The following COLEC10 variants were observed in gnomAD, a reference collection of about 807,000 sequenced individuals.
The protein encoded by COLEC10 is collectin-10.
A neutral mutation model predicts 28.4 loss-of-function variants in COLEC10; 22 were observed. The observed-to-expected ratio is 0.78, with a 90% confidence interval of 0.55 to 1.11. The LOEUF (loss-of-function observed/expected upper bound fraction) is 1.11, where lower values mean the gene tolerates loss of function less well. Among genes scored for constraint, COLEC10 ranks in the 50% least tolerant of loss-of-function variants. COLEC10 has a pLI of 0.00. For synonymous variants in COLEC10, 125 were observed against 116.1 expected (o/e 1.08, Z -0.49); for missense variants, 361 against 344.1 (o/e 1.05, Z -0.39).
At chr8:118,954,388 A>T in the COLEC10 span, among the ~76,000 whole-genome samples, 2 of 152,180 alleles carry the variant, frequency 1.3e-5, no homozygotes, top group Non-Finnish European at 2.9e-5. Context: ...CCCCTAGGGT[A>T]TTTCTAAGTA....
At chr8:118,989,293 T>G in the COLEC10 span, among the ~76,000 whole-genome samples, 1 of 151,982 alleles carries the variant, frequency 6.6e-6, no homozygotes, top group Non-Finnish European at 1.5e-5. Context: ...AATAGAAATT[T>G]TCTAAACTGA....
the COLEC10 span, among the ~76,000 whole-genome samples, chr8:118,970,630 T>C: frequency 1.3e-5 from 2 of 151,958 alleles, no homozygotes; most frequent in Non-Finnish European, 2.9e-5. Context: ...TTCTCTTTTT[T>C]TTTTTCAAAT....
chr8:119,003,195 C>G (rs1813732549), intron 1 of COLEC10, among the ~76,000 whole-genome samples: 1 of 152,074 alleles, frequency 6.6e-6, no homozygotes, highest in Non-Finnish European at 1.5e-5. Context: ...TGTTTTTCAA[C>G]TACTTTTCAT....
the COLEC10 span, among the ~76,000 whole-genome samples, chr8:118,986,033 G>C: frequency 1.3e-5 from 2 of 152,212 alleles, no homozygotes. Flanking sequence ...GAAAGGCTCC[G>C]TGACAGACTC....
intron 2 of COLEC10, among the ~76,000 whole-genome samples, chr8:119,024,680 C>T (rs529430527): frequency 5.9e-5 from 9 of 152,234 alleles, no homozygotes; most frequent in Admixed American, 1.3e-4. Context: ...GATGACATGA[C>T]ATGTCTACTC....
intron 1 of COLEC10, among the ~76,000 whole-genome samples, chr8:119,085,297 C>A (rs1815450506): frequency 6.6e-6 from 1 of 152,066 alleles, no homozygotes. Context: ...TAGCAGGTCC[C>A]AATGAGGCCT....
At chr8:119,009,282 A>G (rs536050651) in intron 1 of COLEC10, among the ~76,000 whole-genome samples, 1 of 151,028 alleles carries the variant, frequency 6.6e-6, no homozygotes, top group African/African-American at 2.5e-5. Flanking sequence ...TTGATCCTCA[A>G]TGTGGCAGCT....
chr8:119,070,157 T>C (rs1233075674), intron 1 of COLEC10, among the ~76,000 whole-genome samples: 1 of 152,180 alleles, frequency 6.6e-6, no homozygotes, highest in Admixed American at 6.5e-5. Context: ...CAGCATGTTG[T>C]TACATCTGTT....
At chr8:119,092,821 G>T (rs992746662) in intron 3 of COLEC10, among the ~76,000 whole-genome samples, 1 of 151,986 alleles carries the variant, frequency 6.6e-6, no homozygotes. Flanking sequence ...TACAAGAATC[G>T]CTTGAACCTG....
the COLEC10 span, among the ~76,000 whole-genome samples, chr8:118,973,463 T>C: frequency 6.6e-6 from 1 of 151,946 alleles, no homozygotes; most frequent in Non-Finnish European, 1.5e-5. Context: ...CAGTTCCTTT[T>C]TGGCTGTTGG....
chr8:119,074,007 C>T (rs566835602), intron 1 of COLEC10, among the ~76,000 whole-genome samples: 14 of 150,532 alleles, frequency 9.3e-5, no homozygotes, highest in South Asian at 8.4e-4. Flanking sequence ...CATATATATA[C>T]GTGTATATAT....
At chr8:119,076,803 T>G (rs1303478225) in intron 1 of COLEC10, among the ~76,000 whole-genome samples, 3 of 152,166 alleles carry the variant, frequency 2.0e-5, no homozygotes, top group Admixed American at 2.0e-4. Context: ...CTTTCTCTCA[T>G]CAGACCACAT....
intron 1 of COLEC10, among the ~76,000 whole-genome samples, chr8:119,070,879 AT>A (rs1322409007): frequency 6.6e-6 from 1 of 152,126 alleles, no homozygotes; most frequent in Non-Finnish European, 1.5e-5. Flanking sequence ...GTCTTGTTTA[AT>A]TTCCACAATT....
chr8:118,968,138 ATACAAG>A, the COLEC10 span, among the ~76,000 whole-genome samples: 1 of 151,998 alleles, frequency 6.6e-6, no homozygotes, highest in Admixed American at 6.6e-5. Context: ...TTTTTTTTAA[ATACAAG>A]TAAGAGTAGG....
At chr8:118,970,088 T>C in the COLEC10 span, among the ~76,000 whole-genome samples, 480 of 152,172 alleles carry the variant, frequency 3.2e-3, 7 homozygotes, top group African/African-American at 0.011. Context: ...TTGTTATAAA[T>C]AGGAATTTCT....
At chr8:119,089,623 A>C (rs1815548247) in intron 1 of COLEC10, 57 bp from the exon 2 acceptor site, 1 of 1,362,902 alleles carries the variant, frequency 7.3e-7, no homozygotes, top group African/African-American at 1.4e-5. Flanking sequence ...CCCTGGGAGA[A>C]TGTGCTCATG....
chr8:119,038,325 C>T (rs1392898119), intron 2 of COLEC10, among the ~76,000 whole-genome samples: 1 of 152,162 alleles, frequency 6.6e-6, no homozygotes, highest in Non-Finnish European at 1.5e-5. Flanking sequence ...TATTTACTTT[C>T]CTTGCTTTAG....
chr8:118,974,795 C>A, the COLEC10 span, among the ~76,000 whole-genome samples: 1 of 152,014 alleles, frequency 6.6e-6, no homozygotes, highest in Non-Finnish European at 1.5e-5. Flanking sequence ...AGTTATCCAA[C>A]CTTATCCATT....
At chr8:118,962,450 G>A in the COLEC10 span, among the ~76,000 whole-genome samples, 2 of 152,100 alleles carry the variant, frequency 1.3e-5, no homozygotes, top group African/African-American at 4.8e-5. Flanking sequence ...GCTTTATTGA[G>A]GTATAATTGA....
Sources: allele counts gnomAD v4.1 joint callset (sites outside exome capture counted in the v4.1 genomes callset), GRCh38; gene constraint gnomAD v4.1.1; transcripts MANE v1.5; gene names NCBI Gene and HGNC (gene_info 2026-07-23, HGNC 2026-07-21).